Variants in ZBTB17 observed in about 807,000 individuals in gnomAD.
The protein encoded by ZBTB17 is zinc finger and BTB domain-containing protein 17.
A neutral mutation model predicts 85.1 loss-of-function variants in ZBTB17; 24 were observed. The observed-to-expected ratio is 0.28, with a 90% confidence interval of 0.20 to 0.40. ZBTB17 has a LOEUF of 0.40. ZBTB17 is among the 10% of genes least tolerant of loss of function. The pLI is 1.00. For missense variants in ZBTB17, 743 were observed against 1,105.1 expected, an observed-to-expected ratio of 0.67 and a Z score of 4.65; for synonymous variants, 464 against 460.2, an observed-to-expected ratio of 1.01 and a Z score of -0.11.
intron 3 of ZBTB17, chr1:15,948,080 C>T (rs1027790924): frequency 1.9e-5 from 12 of 628,778 alleles, no homozygotes; most frequent in South Asian, 9.2e-5. Flanking sequence ...CCTTCCTGCC[C>T]GTTCTCCCCT....
intron 2 of ZBTB17, among the ~76,000 whole-genome samples, chr1:15,961,219 A>G (rs1279735313): frequency 6.6e-6 from 1 of 152,088 alleles, no homozygotes; most frequent in Admixed American, 6.5e-5. Flanking sequence ...GACAATTAAA[A>G]TGAGGCATTT....
At chr1:15,961,945 T>G (rs1373176818) in intron 2 of ZBTB17, among the ~76,000 whole-genome samples, 1 of 152,204 alleles carries the variant, frequency 6.6e-6, no homozygotes, top group African/African-American at 2.4e-5. Flanking sequence ...GGCGCGTGCC[T>G]GTAATCTCAG....
At position 15,973,735 on chromosome 1, in the gene ZBTB17, T is replaced by C. The variant is rs1460689041; in HGVS notation, c.-89-610A>G. On this transcript the variant is annotated intron_variant, in intron 1 of 15. Transcript: ENST00000375743. This position sits in a 1 kb window ranked among gnomAD's most constrained non-coding sequence, Gnocchi z 4.1. The stretch of plus-strand genomic sequence containing the variant: ...AACTCTCATCAAACTAATCACCAAA[T>C]TGTGTCAATTCTATCGCTAAAACCA... Among the ~76,000 whole-genome samples the C allele has an allele frequency of 6.6e-6, 1 of 152,170 alleles. No homozygotes were observed. Among genetic ancestry groups the C allele is most frequent in the Non-Finnish European group, 1.5e-5 (1 of 68,034 alleles).
At chr1:15,975,798 C>T (rs2072856275) in intron 1 of ZBTB17, among the ~76,000 whole-genome samples, 185 bp downstream of exon 1, 1 of 150,746 alleles carries the variant, frequency 6.6e-6, no homozygotes, top group South Asian at 2.1e-4. Flanking sequence ...CCCGGCGACG[C>T]CCCCCGCCCC....
Position 15,942,461 on chromosome 1 carries a change from A to G in ZBTB17, c.2039-41T>C, listed in dbSNP as rs758871491. The G allele has an allele frequency of 9.8e-5, 158 of 1,611,598 alleles. 5 individuals carry two copies. In the South Asian group the frequency reaches 1.7e-3, roughly 17 times the overall value. ...CAGGGCCTAAGGTGAAGGCACGGGC[A>G]CTGCCCCATCATCGCCACCCTGGCA... is the stretch of plus-strand genomic sequence containing the variant. On this transcript the variant is annotated intron_variant, in intron 14 of 15. Coordinates refer to ENST00000375743, the MANE Select transcript of ZBTB17 (RefSeq NM_003443.3).
chr1:15,967,255 A>T (rs1179424545), intron 2 of ZBTB17, among the ~76,000 whole-genome samples: 3 of 151,520 alleles, frequency 2.0e-5, no homozygotes, highest in African/African-American at 7.3e-5. Context: ...GTGTGCTAGT[A>T]GTCCCAGCTA....
chr1:15,945,210 G>A lies in ZBTB17; in HGVS notation c.662-8C>T, dbSNP rs756032539. The A allele has an allele frequency of 6.4e-7, 1 of 1,550,938 alleles. No homozygotes were observed. ...CGGGCTCCACCTCCATTTCTGCGGA[G>A]AAAAGGGCAAGCATGGAGGCGGCAG... On this transcript the variant is annotated splice_region_variant and splice_polypyrimidine_tract_variant and intron_variant, in intron 6 of 15. Coordinates refer to ENST00000375743, the MANE Select transcript of ZBTB17 (RefSeq NM_003443.3).
rs1391729241 is a variant in ZBTB17 at position 15,952,148 on chromosome 1, C to T, written c.-2-3651G>A. Among the ~76,000 whole-genome samples the T allele has an allele frequency of 6.6e-6, 1 of 152,208 alleles. No individual in the cohort carries two copies. The highest frequency in any genetic ancestry group is 1.5e-5 in the Non-Finnish European group (1 of 68,036). On this transcript the variant is annotated intron_variant, in intron 2 of 15. Transcript: ENST00000375743. The surrounding 1 kb of genome is among the most constrained non-coding windows in gnomAD (Gnocchi z 4.3). ...GCCAACAGAACGAGACCACAGAGCC[C>T]AGCAGCCCAGAGTCCTCATTTTAGA...
In ZBTB17 at chr1:15,951,607, G is replaced by A. The variant is rs1020089282; in HGVS notation, c.-2-3110C>T. ...CCTCTCTCAAGGCCCGTGGCGAGAC[G>A]GAGGCATGGCCGGCTGGGTCCTTCC... On this transcript the variant is annotated intron_variant, in intron 2 of 15. Coordinates refer to ENST00000375743, the MANE Select transcript of ZBTB17 (RefSeq NM_003443.3). The surrounding 1 kb of genome is among the most constrained non-coding windows in gnomAD (Gnocchi z 4.1). 2.0e-5 allele frequency among the ~76,000 whole-genome samples: 3 copies of A among 152,146 alleles called. No homozygotes were observed. The highest frequency in any genetic ancestry group is 4.4e-5 in the Non-Finnish European group (3 of 68,004).
rs569855236 is a variant in ZBTB17, at chr1:15,943,107, G to A, written c.1785C>T (p.Phe595=). The A allele has an allele frequency of 4.7e-5, 76 of 1,614,118 alleles. No homozygotes were observed. The highest frequency in any genetic ancestry group is 3.3e-4 in the Middle Eastern group (2 of 6,062). The change falls in exon 13 of 16, where the codon TTC becomes TTT. Residue 595 remains phenylalanine (F), a synonymous_variant. Transcript: ENST00000375743. ...GCTTGGACAGGTCCCCCACGTTCAC[G>A]AAGGCCTTGCTGCACACGCTGCACT... ...PHKCSVCSKA[F]VNVGDLSKHI...
chr1:15,948,552 C>T (rs1269563581), intron 2 of ZBTB17, 55 bp from the exon 3 acceptor site: 7 of 1,554,836 alleles, frequency 4.5e-6, no homozygotes, highest in East Asian at 2.3e-5. Flanking sequence ...GTCAGACACG[C>T]TCAACAGTCA....
chr1:15,975,326 A>G (rs1203041377), intron 1 of ZBTB17, among the ~76,000 whole-genome samples: 1 of 152,244 alleles, frequency 6.6e-6, no homozygotes, highest in Non-Finnish European at 1.5e-5. Context: ...AGAAAAAGCC[A>G]AAAGTGCCTA....
chr1:15,965,402 T>A (rs1189042277), intron 2 of ZBTB17, among the ~76,000 whole-genome samples: 4 of 152,044 alleles, frequency 2.6e-5, no homozygotes, highest in Non-Finnish European at 5.9e-5. Flanking sequence ...CAAAACCACA[T>A]GAGATGTCAT....
rs112505029 is a variant in ZBTB17, at chr1:15,964,126, A to G, written c.-3+8913T>C. On this transcript the variant is annotated intron_variant, in intron 2 of 15. Transcript: ENST00000375743. The surrounding 1 kb of genome is among the most constrained non-coding windows in gnomAD (Gnocchi z 4.3). ...CAGCGAGACCCTGTCTCTAGAGAGA[A>G]AAAAAAAAAAAGGTTTAAAAAGAAC... Among the ~76,000 whole-genome samples the G allele has an allele frequency of 6.1e-5, 9 of 148,584 alleles. No homozygotes were observed. Among genetic ancestry groups the G allele is most frequent in the East Asian group, 2.0e-4 (1 of 5,108 alleles).
chr1:15,948,243 C>G, intron 3 of ZBTB17, 48 bp downstream of exon 3: 1 of 1,610,012 alleles, frequency 6.2e-7, no homozygotes, highest in Middle Eastern at 1.7e-4. Flanking sequence ...CAGGGCCGGC[C>G]ATAGCTTCTG....
intron 2 of ZBTB17, among the ~76,000 whole-genome samples, chr1:15,971,321 G>A (rs1451495295): frequency 6.7e-6 from 1 of 148,752 alleles, no homozygotes; most frequent in East Asian, 1.9e-4. Context: ...CTCTCTCTCT[G>A]TATGTGTGTA....
intron 2 of ZBTB17, among the ~76,000 whole-genome samples, chr1:15,948,927 G>A (rs1375687177): frequency 6.6e-6 from 1 of 152,184 alleles, no homozygotes; most frequent in African/African-American, 2.4e-5. Flanking sequence ...TGTTTCAATT[G>A]GACATGTTGG....
At chr1:15,947,793 GA>G (rs1011005294) in intron 3 of ZBTB17, among the ~76,000 whole-genome samples, 5 of 152,150 alleles carry the variant, frequency 3.3e-5, no homozygotes, top group African/African-American at 1.2e-4. Flanking sequence ...TATAAAATGG[GA>G]GAATAATACC....
chr1:15,959,708 GGCT>G (rs2072188235), intron 2 of ZBTB17, among the ~76,000 whole-genome samples: 3 of 152,168 alleles, frequency 2.0e-5, no homozygotes, highest in Admixed American at 2.0e-4. Context: ...GGAGTTTTGA[GGCT>G]GCAGCAAGCT....
Sources: gnomAD v4.1 joint callset for allele counts (sites outside exome capture counted in the v4.1 genomes callset) on GRCh38, gnomAD v4.1.1 for gene constraint, Gnocchi (gnomAD v3.1) non-coding constraint, MANE v1.5 for transcripts, NCBI Gene and HGNC (gene_info 2026-07-23, HGNC 2026-07-21) for gene names.